DNHD1: variants seen among roughly 807,000 people sequenced by gnomAD.
DNHD1 encodes the protein dynein heavy chain domain-containing protein 1.
Under a neutral mutation model 458.1 loss-of-function variants are expected in DNHD1, and 383 were observed. The observed-to-expected ratio is 0.84, with a 90% confidence interval of 0.77 to 0.91. DNHD1 has a LOEUF of 0.91. Among genes scored for constraint, DNHD1 ranks in the 40% least tolerant of loss-of-function variants. The probability of loss-of-function intolerance (pLI) is 0.00; values close to 1 mark genes in which losing one functional copy is unlikely to be tolerated. For synonymous variants in DNHD1, 2,203 were observed against 2,376.9 expected (o/e 0.93, Z 2.13); for missense variants, 5,336 against 5,866.1 (o/e 0.91, Z 2.95).
At chr11:6,556,116 G>A in intron 24 of DNHD1, among the ~76,000 whole-genome samples, 1 of 152,112 alleles carries the variant, frequency 6.6e-6, no homozygotes, top group South Asian at 2.1e-4. Flanking sequence ...CAGGTCTACA[G>A]CACACATCAC....
At chr11:6,549,182 T>C (rs371604387) in intron 24 of DNHD1, 2 of 549,526 alleles carry the variant, frequency 3.6e-6, no homozygotes, top group East Asian at 3.2e-5. Flanking sequence ...TCTATCCAGC[T>C]GTCTACTGTA....
chr11:6,563,792 G>A lies in DNHD1; in HGVS notation c.9952G>A (p.Ala3318Thr). 6.4e-7 allele frequency: 1 copy of A among 1,551,656 alleles called. No homozygotes were observed. Among genetic ancestry groups the A allele is most frequent in the South Asian group, 1.2e-5 (1 of 84,064 alleles). Residue 3318 changes from alanine (A) to threonine (T), a missense_variant, in exon 31 of 43, where the codon GCA (alanine) becomes ACA (threonine). By Grantham distance (58) the Ala-to-Thr change is moderately conservative. Coordinates refer to ENST00000254579, the MANE Select transcript of DNHD1 (RefSeq NM_144666.3). ...APGMDDAALR[A>T]VSRPAASLAA... is the part of the protein sequence containing the mutation. ...AGGTATGGACGATGCAGCCCTGCGG[G>A]CAGTGAGCCGACCTGCAGCCAGCCT... is the stretch of plus-strand genomic sequence containing the variant.
intron 14 of DNHD1, among the ~76,000 whole-genome samples, chr11:6,536,649 A>G (rs78235146): frequency 2.0e-5 from 3 of 152,300 alleles, no homozygotes; most frequent in Non-Finnish European, 2.9e-5. Context: ...TTTTCCTACA[A>G]CTTTGAAGAT....
At chr11:6,562,222 A>T (rs986351562) in intron 28 of DNHD1, among the ~76,000 whole-genome samples, 3 of 152,118 alleles carry the variant, frequency 2.0e-5, no homozygotes, top group African/African-American at 7.2e-5. Flanking sequence ...AAGGGTAACA[A>T]CTCAGTTTGT....
chr11:6,520,553 A>G, intron 10 of DNHD1: 1 of 1,290,458 alleles, frequency 7.7e-7, no homozygotes, highest in Non-Finnish European at 9.9e-7. Context: ...GTCCTTCCAA[A>G]CCTGATTCAT....
At chr11:6,513,936 C>T (rs572622863) in intron 7 of DNHD1, among the ~76,000 whole-genome samples, 4 of 152,170 alleles carry the variant, frequency 2.6e-5, no homozygotes, top group East Asian at 1.9e-4. Flanking sequence ...CTCTGCCTCC[C>T]GGGTTCACAC....
intron 12 of DNHD1, among the ~76,000 whole-genome samples, chr11:6,531,220 T>A (rs1023781526): frequency 2.0e-5 from 3 of 152,186 alleles, no homozygotes; most frequent in African/African-American, 7.2e-5. Context: ...CTCTTCTTCC[T>A]GAACTCCCTT....
intron 4 of DNHD1, chr11:6,508,619 T>C: frequency 4.5e-6 from 2 of 446,124 alleles, no homozygotes; most frequent in East Asian, 7.9e-5. Flanking sequence ...ATGTAAGATA[T>C]CTGCATTTGA....
chr11:6,536,694 C>T (rs1440330893), intron 14 of DNHD1, among the ~76,000 whole-genome samples: 1 of 152,144 alleles, frequency 6.6e-6, no homozygotes, highest in Non-Finnish European at 1.5e-5. Flanking sequence ...TTTTAAAATG[C>T]ATGGAAATTA....
Position 6,563,384 on chromosome 11 carries a change from G to A in DNHD1, c.9672G>A (p.Met3224Ile). The change falls in exon 30 of 43, where the codon ATG becomes ATA. Residue 3224 changes from methionine (M) to isoleucine (I), a missense_variant and splice_region_variant. Physicochemically the swap from Met to Ile is conservative, Grantham distance 10 (BLOSUM62 1). Coordinates refer to ENST00000254579, the MANE Select transcript of DNHD1 (RefSeq NM_144666.3). ...AGAGGGTATCTCTCCTCATTTAGAT[G>A]AGCAAGGCATTTCTGGAGCCTCTGA... is the stretch of plus-strand genomic sequence containing the variant. ...QAQREAFLEQMSKAFLEPLSQ... is the reference protein window; with the variant it reads ...QAQREAFLEQISKAFLEPLSQ... 1.3e-6 allele frequency: 2 copies of A among 1,551,670 alleles called. No individual in the cohort carries two copies. Among genetic ancestry groups the A allele is most frequent in the Non-Finnish European group, 1.7e-6 (2 of 1,146,968 alleles).
At chr11:6,549,484 T>A (rs183844130) in intron 24 of DNHD1, among the ~76,000 whole-genome samples, 119 of 152,348 alleles carry the variant, frequency 7.8e-4, no homozygotes, top group South Asian at 8.3e-4. Flanking sequence ...TGAGGCTTTC[T>A]TCTGTGTCCT....
intron 7 of DNHD1, among the ~76,000 whole-genome samples, chr11:6,519,341 G>C (rs142461801): frequency 5.8e-4 from 89 of 152,174 alleles, no homozygotes; most frequent in African/African-American, 2.0e-3. Context: ...TTCCACCCTG[G>C]GGGTTTTCAG....
rs939382804 is a variant in DNHD1 at position 6,534,237 on chromosome 11, T to G, written c.2998+64T>G. 8.1e-6 allele frequency: 12 copies of G among 1,488,430 alleles called. No homozygotes were observed. In the African/African-American group the frequency reaches 1.7e-4, roughly 21 times the overall value. The allele number at this position is 1,488,430 out of a possible 1,614,324, so 92.2% of individuals were successfully genotyped here. On this transcript the variant is annotated intron_variant, in intron 14 of 42. Coordinates refer to ENST00000254579, the MANE Select transcript of DNHD1 (RefSeq NM_144666.3). ...ATAGACCCTTCAACTGAAGTAAGAG[T>G]TGGAACTCAGGGTTCTGTGTCCTGT...
In DNHD1 at chr11:6,547,501, G is replaced by A. The variant is rs1249534045; in HGVS notation, c.6562G>A (p.Ala2188Thr). Reference protein sequence around the residue: ...LNHMAEVLVPATLRFLTCQGV... With the variant: ...LNHMAEVLVPTTLRFLTCQGV... ...CCACATGGCTGAGGTTCTGGTGCCT[G>A]CAACATTGCGATTCCTCACCTGCCA... Residue 2188 changes from alanine (A) to threonine (T), a missense_variant, in exon 21 of 43, where the codon GCA (alanine) becomes ACA (threonine). Coordinates refer to ENST00000254579, the MANE Select transcript of DNHD1 (RefSeq NM_144666.3). 1.3e-6 allele frequency: 2 copies of A among 1,550,982 alleles called. No homozygotes were observed. Among genetic ancestry groups the A allele is most frequent in the Non-Finnish European group, 1.7e-6 (2 of 1,146,338 alleles).
Position 6,559,210 on chromosome 11 carries a change from T to G in DNHD1, c.9446T>G (p.Met3149Arg). 1.3e-6 allele frequency: 2 copies of G among 1,551,696 alleles called. No individual in the cohort carries two copies. The highest frequency in any genetic ancestry group is 1.7e-6 in the Non-Finnish European group (2 of 1,146,992). Residue 3149 changes from methionine (M) to arginine (R), a missense_variant, in exon 28 of 43, where the codon ATG (methionine) becomes AGG (arginine). Physicochemically the swap from Met to Arg is moderately conservative, Grantham distance 91. This residue lies in a region of DNHD1 where 3,932 missense variants were observed against 4,365.6 expected (regional missense o/e 0.90). Transcript: ENST00000254579. ...CAGAATGCCTTGGAGAATCTGAGAA[T>G]GCTGATTAAGGAGCACGGTACCCAT... ...RVQNALENLR[M>R]LIKEHGTHAN...
chr11:6,560,046 C>T (rs754861265), intron 28 of DNHD1, among the ~76,000 whole-genome samples: 4 of 152,216 alleles, frequency 2.6e-5, no homozygotes, highest in Non-Finnish European at 5.9e-5. Context: ...GGGCTTATCA[C>T]ACCTTCTAAA....
Position 6,546,810 on chromosome 11 carries a change from G to A in DNHD1, c.5871G>A (p.Val1957=). 1.3e-6 allele frequency: 2 copies of A among 1,551,880 alleles called. No individual in the cohort carries two copies. The highest frequency in any genetic ancestry group is 1.4e-5 in the African/African-American group (1 of 73,198). ...MTYKLMKPLV[V]EELQQVGLDP... is the part of the protein sequence containing the mutation. Reference sequence around the variant, plus strand: ...ACAAGCTGATGAAGCCATTGGTGGTGGAGGAACTGCAACAGGTAGGTCTGG... The same window carrying A: ...ACAAGCTGATGAAGCCATTGGTGGTAGAGGAACTGCAACAGGTAGGTCTGG... The change falls in exon 21 of 43, where the codon GTG becomes GTA. Residue 1957 remains valine, a synonymous_variant. Transcript: ENST00000254579.
chr11:6,528,916 T>G lies in DNHD1; in HGVS notation c.2142T>G (p.His714Gln). 1 of 1,551,714 alleles carries G rather than the reference T, an allele frequency of 6.4e-7. No homozygotes were observed. ...LCKVQEFCRE[H>Q]HWITGIYEFL... ...AGGTGCAGGAATTCTGCAGGGAACATCATTGGATAACAGGCATTTATGAAT... is the reference window on the plus strand; with the variant it reads ...AGGTGCAGGAATTCTGCAGGGAACAGCATTGGATAACAGGCATTTATGAAT... Residue 714 changes from histidine to glutamine, a missense_variant, in exon 12 of 43, where the codon CAT (histidine) becomes CAG (glutamine). This residue lies in a region of DNHD1 where 3,932 missense variants were observed against 4,365.6 expected (regional missense o/e 0.90). Transcript: ENST00000254579.
chr11:6,514,515 T>C (rs1852416568), intron 7 of DNHD1, among the ~76,000 whole-genome samples: 1 of 148,848 alleles, frequency 6.7e-6, no homozygotes. Context: ...TTCCCTCCCT[T>C]CTTTCCTCCC....
Sources: allele counts gnomAD v4.1 joint callset (sites outside exome capture counted in the v4.1 genomes callset), GRCh38; gene constraint gnomAD v4.1.1; regional missense constraint gnomAD v4.1.1; transcripts MANE v1.5; gene names NCBI Gene and HGNC (gene_info 2026-07-23, HGNC 2026-07-21).